The following PAPOLA variants were observed in gnomAD, a reference collection of about 807,000 sequenced individuals.
PAPOLA encodes the protein poly(A) polymerase alpha, also known as polynucleotide adenylyltransferase alpha.
Under a neutral mutation model 100.6 loss-of-function variants are expected in PAPOLA, and 15 were observed. That is an observed-to-expected ratio of 0.15 (90% CI 0.10 to 0.23). The LOEUF (loss-of-function observed/expected upper bound fraction) is 0.23. PAPOLA is among the 10% of genes least tolerant of loss of function. PAPOLA has a pLI of 1.00. For synonymous variants in PAPOLA, 293 were observed against 300.0 expected (o/e 0.98, Z 0.24); for missense variants, 533 against 884.2 (o/e 0.60, Z 5.04).
intron 10 of PAPOLA, chr14:96,534,937 G>A: frequency 2.0e-6 from 2 of 997,480 alleles, no homozygotes; most frequent in Non-Finnish European, 2.4e-6. Flanking sequence ...AAGTTGGGTT[G>A]TTATAGGAAA....
chr14:96,535,407 A>G (rs1899432313), intron 10 of PAPOLA: 1 of 981,496 alleles, frequency 1.0e-6, no homozygotes. Flanking sequence ...CTAACATATC[A>G]ACATGGATAA....
intron 21 of PAPOLA, 109 bp from the exon 22 acceptor site, chr14:96,564,846 A>G: frequency 1.5e-6 from 1 of 652,216 alleles, no homozygotes; most frequent in Non-Finnish European, 2.8e-6. Flanking sequence ...TAAATTTGTA[A>G]TACTTTTCTT....
intron 9 of PAPOLA, chr14:96,534,236 C>T: frequency 1.5e-6 from 2 of 1,298,680 alleles, no homozygotes; most frequent in African/African-American, 1.5e-5. Flanking sequence ...TTAAATAGTC[C>T]TTTAAAGTTC....
intron 3 of PAPOLA, 47 bp downstream of exon 3, chr14:96,521,119 T>A (rs1329578616): frequency 1.2e-6 from 1 of 864,886 alleles, no homozygotes; most frequent in Non-Finnish European, 2.0e-6. Flanking sequence ...TATAGCCAAC[T>A]GAACACAGCA....
chr14:96,540,805 G>T (rs182492090), intron 12 of PAPOLA, among the ~76,000 whole-genome samples: 7 of 152,288 alleles, frequency 4.6e-5, no homozygotes, highest in African/African-American at 1.4e-4. Context: ...AGTAAAATGT[G>T]TACTATTATC....
chr14:96,529,686 C>T (rs1898817583), intron 6 of PAPOLA, among the ~76,000 whole-genome samples: 1 of 152,044 alleles, frequency 6.6e-6, no homozygotes, highest in South Asian at 2.1e-4. Flanking sequence ...CCTGCCACTG[C>T]ACTCCAGCCT....
At chr14:96,505,323 G>A (rs1896632211) in intron 1 of PAPOLA, among the ~76,000 whole-genome samples, 1 of 152,120 alleles carries the variant, frequency 6.6e-6, no homozygotes, top group Non-Finnish European at 1.5e-5. Flanking sequence ...ATGTGCCCTG[G>A]GGTGCAAAAT....
chr14:96,520,628 G>A (rs1164612340), intron 2 of PAPOLA, among the ~76,000 whole-genome samples: 1 of 152,106 alleles, frequency 6.6e-6, no homozygotes, highest in Non-Finnish European at 1.5e-5. Flanking sequence ...CCAAAGTGTT[G>A]GGATTACAGG....
At chr14:96,531,652 A>T (rs755300277) in intron 7 of PAPOLA, 66 bp downstream of exon 7, 2 of 1,548,792 alleles carry the variant, frequency 1.3e-6, no homozygotes, top group African/African-American at 2.7e-5. Flanking sequence ...TTTTTACACA[A>T]GTTTTGTATT....
intron 6 of PAPOLA, among the ~76,000 whole-genome samples, chr14:96,531,236 C>T (rs1177665832): frequency 4.6e-5 from 7 of 151,860 alleles, no homozygotes; most frequent in South Asian, 4.2e-4. Flanking sequence ...CTCCTGACCT[C>T]GTGATCCGCC....
rs35861551 is a variant in PAPOLA, at chr14:96,552,527, C to T, written c.1569C>T (p.Leu523=). Residue 523 remains leucine, a synonymous_variant, in exon 17 of 22, where the codon CTC becomes CTT. Coordinates refer to ENST00000216277, the MANE Select transcript of PAPOLA (RefSeq NM_032632.5). ...VKLTALNDSS[L]DLSMDSDNSM... is the part of the protein sequence containing the mutation. ...TGACAGCTCTCAATGACAGCAGCCT[C>T]GACTTGTCTATGGACAGTGATAACA... 755 of 1,613,776 alleles carry T rather than the reference C, an allele frequency of 4.7e-4. 6 individuals are homozygous for T. The African/African-American group carries it at 8.9e-3, about 19-fold the overall frequency.
intron 1 of PAPOLA, among the ~76,000 whole-genome samples, chr14:96,504,013 A>C (rs1041389652): frequency 5.3e-5 from 8 of 152,216 alleles, no homozygotes; most frequent in African/African-American, 1.9e-4. Flanking sequence ...AAAATCTTGG[A>C]ATCTGCATGG....
intron 1 of PAPOLA, among the ~76,000 whole-genome samples, chr14:96,512,147 TTAAA>T (rs1454426162): frequency 9.8e-5 from 15 of 152,302 alleles, no homozygotes; most frequent in African/African-American, 3.6e-4. Flanking sequence ...AATATTTACT[TTAAA>T]TAATTTAACA....
intron 1 of PAPOLA, among the ~76,000 whole-genome samples, chr14:96,514,706 C>T (rs1014485438): frequency 6.6e-6 from 1 of 152,192 alleles, no homozygotes; most frequent in Non-Finnish European, 1.5e-5. Context: ...TGTTTCTCAG[C>T]TTTGGTCTAA....
In PAPOLA at chr14:96,502,487, C is replaced by T. The variant is rs1375048873; in HGVS notation, c.-106C>T. On this transcript the variant is annotated 5_prime_UTR_variant, in exon 1 of 22. Coordinates refer to ENST00000216277, the MANE Select transcript of PAPOLA (RefSeq NM_032632.5). ...TGCGGGAGAGGGGTTGGACCCAGGGCTGAGGCAGGCCCCCCCCTCCCTCCC... is the reference window on the plus strand; with the variant it reads ...TGCGGGAGAGGGGTTGGACCCAGGGTTGAGGCAGGCCCCCCCCTCCCTCCC... The T allele has an allele frequency of 2.3e-6, 2 of 868,376 alleles. No individual in the cohort carries two copies. Among genetic ancestry groups the T allele is most frequent in the African/African-American group, 1.7e-5 (1 of 58,848 alleles). 53.8% of individuals were successfully genotyped at this position (868,376 alleles called of 1,614,324 possible). A position where few individuals can be genotyped will look rare whatever the true frequency, so the allele number is the denominator to read the frequency against.
Position 96,537,134 on chromosome 14 carries a change from C to A in PAPOLA, c.1115+74C>A, listed in dbSNP as rs925623863. The A allele has an allele frequency of 1.8e-5, 15 of 845,508 alleles. No individual in the cohort carries two copies. The East Asian group carries it at 3.7e-4, about 21-fold the overall frequency. 52.4% of individuals were successfully genotyped at this position (845,508 alleles called of 1,614,324 possible). A position where few individuals can be genotyped will look rare whatever the true frequency, so the allele number is the denominator to read the frequency against. ...TTAATGGTAGCACATTATGACATTT[C>A]TTCTTGCTGGACTAATGTTATTGGA... is the stretch of plus-strand genomic sequence containing the variant. On this transcript the variant is annotated intron_variant, in intron 12 of 21. Coordinates refer to ENST00000216277, the MANE Select transcript of PAPOLA (RefSeq NM_032632.5).
chr14:96,507,775 T>C (rs1896834094), intron 1 of PAPOLA, among the ~76,000 whole-genome samples: 1 of 152,158 alleles, frequency 6.6e-6, no homozygotes, highest in Non-Finnish European at 1.5e-5. Context: ...GACCAAAATG[T>C]TTGAAAACTT....
chr14:96,563,854 T>C (rs1902070042), intron 21 of PAPOLA, among the ~76,000 whole-genome samples: 1 of 152,150 alleles, frequency 6.6e-6, no homozygotes, highest in South Asian at 2.1e-4. Context: ...AGTCTTAAAC[T>C]GTCCTGTGAT....
chr14:96,533,280 T>C (rs2140286170), intron 9 of PAPOLA: 1 of 984,866 alleles, frequency 1.0e-6, no homozygotes. Flanking sequence ...GCCCAAAAGG[T>C]GAGGGTTCTT....
Sources: gnomAD v4.1 joint callset for allele counts (sites outside exome capture counted in the v4.1 genomes callset) on GRCh38, gnomAD v4.1.1 for gene constraint, MANE v1.5 for transcripts, NCBI Gene and HGNC (gene_info 2026-07-23, HGNC 2026-07-21) for gene names.